Variants in LAMA2 observed in about 807,000 individuals in gnomAD.
LAMA2 encodes laminin subunit alpha 2.
A neutral mutation model predicts 364.8 loss-of-function variants in LAMA2; 269 were observed. The ratio of observed to expected loss-of-function variants is 0.74; its 90% CI spans 0.67 to 0.82. LAMA2 has a LOEUF of 0.82. Among genes scored for constraint, LAMA2 ranks in the 40% least tolerant of loss-of-function variants. The pLI, the probability that LAMA2 is intolerant of heterozygous loss-of-function variation, is 0.00. For synonymous variants in LAMA2, 1,379 were observed against 1,370.6 expected (o/e 1.01, Z -0.14); for missense variants, 3,807 against 3,873.2 (o/e 0.98, Z 0.45).
chr6:129,511,434 G>A (rs564343629), intron 62 of LAMA2, among the ~76,000 whole-genome samples: 9 of 151,748 alleles, frequency 5.9e-5, no homozygotes, highest in East Asian at 3.9e-4. Flanking sequence ...TTGCCCAGGC[G>A]CAACTGGCTA....
Position 129,505,449 on chromosome 6 carries a change from C to CTGA in LAMA2, c.8703+96_8703+98dup. ...ATTAGGTCACATGGGCCCATGAAAA[C>CTGA]TGATAGGTGAATAGGAAGTCATCTT... On this transcript the variant is annotated intron_variant, in intron 61 of 64. Coordinates refer to ENST00000421865, the MANE Select transcript of LAMA2 (RefSeq NM_000426.4). The CTGA allele has an allele frequency of 3.2e-6, 3 of 934,410 alleles. No homozygotes were observed. The East Asian group carries it at 7.4e-5, about 23-fold the overall frequency. 57.9% of individuals were successfully genotyped at this position (934,410 alleles called of 1,614,324 possible). A position where few individuals can be genotyped will look rare whatever the true frequency, so the allele number is the denominator to read the frequency against.
chr6:129,209,875 G>A (rs1782970879), intron 12 of LAMA2, among the ~76,000 whole-genome samples: 2 of 151,846 alleles, frequency 1.3e-5, no homozygotes, highest in South Asian at 4.2e-4. Flanking sequence ...AGGGTAGCGG[G>A]CACCTGTAAT....
At chr6:129,273,162 A>G (rs984113991) in intron 17 of LAMA2, among the ~76,000 whole-genome samples, 9 of 152,134 alleles carry the variant, frequency 5.9e-5, no homozygotes, top group African/African-American at 2.2e-4. Context: ...ATTAAAGGCT[A>G]CTCAAGCCTA....
rs190976341 is a variant in LAMA2 at position 129,145,561 on chromosome 6, A to G, written c.820-1398A>G. 4.6e-5 allele frequency among the ~76,000 whole-genome samples: 7 copies of G among 152,114 alleles called. No individual in the cohort carries two copies. In the East Asian group the frequency reaches 7.7e-4, roughly 17 times the overall value. The stretch of plus-strand genomic sequence containing the variant: ...GTGAAATTTAATCTTTCTTGACAGT[A>G]TGTCTATCAGAGAAAAAAAATCAAT... On this transcript the variant is annotated intron_variant, in intron 5 of 64. Coordinates refer to ENST00000421865, the MANE Select transcript of LAMA2 (RefSeq NM_000426.4).
At chr6:129,071,120 G>A (rs540107581) in intron 3 of LAMA2, among the ~76,000 whole-genome samples, 1 of 152,228 alleles carries the variant, frequency 6.6e-6, no homozygotes, top group African/African-American at 2.4e-5. Context: ...GGACTCACTG[G>A]AGTTTTCATT....
chr6:129,397,116 G>A (rs1779698908), intron 37 of LAMA2, among the ~76,000 whole-genome samples: 2 of 151,888 alleles, frequency 1.3e-5, no homozygotes, highest in Admixed American at 1.3e-4. Flanking sequence ...AAAAGAAAGT[G>A]TCCAATTTGC....
chr6:129,093,440 A>G (rs1419980787), intron 3 of LAMA2, among the ~76,000 whole-genome samples: 1 of 152,112 alleles, frequency 6.6e-6, no homozygotes, highest in African/African-American at 2.4e-5. Context: ...TGGGCTGCTC[A>G]CTTCAAGCTA....
intron 1 of LAMA2, among the ~76,000 whole-genome samples, chr6:129,030,742 GAAGT>G (rs1427005965): frequency 2.0e-5 from 3 of 152,060 alleles, no homozygotes; most frequent in African/African-American, 7.2e-5. Flanking sequence ...TTTCCATGAA[GAAGT>G]TTTTTTTCGT....
chr6:129,182,462 A>G (rs563898528), intron 10 of LAMA2, among the ~76,000 whole-genome samples: 21 of 151,956 alleles, frequency 1.4e-4, no homozygotes, highest in African/African-American at 4.8e-4. Context: ...TGTACTTACT[A>G]TGATGAAAAT....
At chr6:129,382,056 T>A (rs1451071464) in intron 34 of LAMA2, among the ~76,000 whole-genome samples, 1 of 152,226 alleles carries the variant, frequency 6.6e-6, no homozygotes, top group Non-Finnish European at 1.5e-5. Context: ...CTTACGTATA[T>A]TTTAAATATT....
chr6:129,370,168 C>T (rs990860546), intron 34 of LAMA2, among the ~76,000 whole-genome samples, 178 bp downstream of exon 34: 10 of 152,138 alleles, frequency 6.6e-5, no homozygotes, highest in Non-Finnish European at 1.0e-4. Flanking sequence ...ATCAGTAGCA[C>T]GCAGAAAAAT....
chr6:128,909,359 CTTG>C (rs1777728519), intron 1 of LAMA2, among the ~76,000 whole-genome samples: 1 of 151,908 alleles, frequency 6.6e-6, no homozygotes, highest in African/African-American at 2.4e-5. Context: ...GTTAGCTCTT[CTTG>C]TTGAATTGAT....
At chr6:129,145,970 G>A (rs1778408528) in intron 5 of LAMA2, among the ~76,000 whole-genome samples, 1 of 151,776 alleles carries the variant, frequency 6.6e-6, no homozygotes, top group South Asian at 2.1e-4. Context: ...AAACTCCCTA[G>A]CCAGTTCCAT....
chr6:129,447,639 T>C (rs1295182615), intron 45 of LAMA2, among the ~76,000 whole-genome samples: 1 of 152,214 alleles, frequency 6.6e-6, no homozygotes, highest in Admixed American at 6.5e-5. Flanking sequence ...GCTTTGAGCA[T>C]GGAACACAGT....
chr6:128,998,013 T>C (rs1034988826), intron 1 of LAMA2, among the ~76,000 whole-genome samples: 2 of 151,942 alleles, frequency 1.3e-5, no homozygotes, highest in Non-Finnish European at 2.9e-5. Context: ...CCCTGAGTTA[T>C]TATAACAGAG....
intron 1 of LAMA2, among the ~76,000 whole-genome samples, chr6:129,031,458 A>G (rs746487692): frequency 6.6e-6 from 1 of 152,220 alleles, no homozygotes; most frequent in Non-Finnish European, 1.5e-5. Context: ...CTCCTAATTT[A>G]TCAACCAAAC....
chr6:129,226,482 T>C (rs995801734), intron 12 of LAMA2, among the ~76,000 whole-genome samples: 1 of 152,180 alleles, frequency 6.6e-6, no homozygotes, highest in Admixed American at 6.5e-5. Flanking sequence ...GTTGTTCCTT[T>C]CCATGTTTAG....
At chr6:128,993,140 C>T (rs1783710416) in intron 1 of LAMA2, among the ~76,000 whole-genome samples, 1 of 152,166 alleles carries the variant, frequency 6.6e-6, no homozygotes, top group Admixed American at 6.6e-5. Flanking sequence ...TTTTCAGCTA[C>T]AACAACCACA....
intron 12 of LAMA2, among the ~76,000 whole-genome samples, chr6:129,247,499 G>A (rs572935909): frequency 6.6e-6 from 1 of 152,252 alleles, no homozygotes; most frequent in South Asian, 2.1e-4. Flanking sequence ...TGACTAACTG[G>A]TTATATAAAT....
Sources: gnomAD v4.1 joint callset for allele counts (sites outside exome capture counted in the v4.1 genomes callset) on GRCh38, gnomAD v4.1.1 for gene constraint, MANE v1.5 for transcripts, NCBI Gene and HGNC (gene_info 2026-07-23, HGNC 2026-07-21) for gene names.